ZZEF1: variants seen among roughly 807,000 people sequenced by gnomAD.
ZZEF1 encodes the protein zinc finger ZZ-type and EF-hand domain-containing protein 1.
ZZEF1 carries 157 observed loss-of-function variants against 342.8 expected under a neutral mutation model. The observed-to-expected ratio is 0.46, with a 90% CI of 0.40 to 0.52. ZZEF1 has a LOEUF of 0.52. Ranked by LOEUF, ZZEF1 falls within the 20% of genes least tolerant of loss-of-function variation. The probability of loss-of-function intolerance (pLI) is 0.00; values close to 1 mark genes in which losing one functional copy is unlikely to be tolerated. For missense variants in ZZEF1, 3,480 were observed against 3,725.6 expected (o/e 0.93, Z 1.72); for synonymous variants, 1,505 against 1,429.1 (o/e 1.05, Z -1.20).
chr17:4,104,940 A>G (rs2058186466), intron 7 of ZZEF1, 129 bp from the exon 8 acceptor site: 1 of 766,672 alleles, frequency 1.3e-6, no homozygotes, highest in African/African-American at 1.8e-5. Context: ...TTTATCCGAA[A>G]TATTTTTCAA....
chr17:4,066,721 G>A (rs2057406464), intron 27 of ZZEF1, among the ~76,000 whole-genome samples, 181 bp from the exon 28 acceptor site: 1 of 152,186 alleles, frequency 6.6e-6, no homozygotes, highest in Non-Finnish European at 1.5e-5. Flanking sequence ...CACTGGTGCT[G>A]CAGGGGGCTT....
intron 24 of ZZEF1, 122 bp from the exon 25 acceptor site, chr17:4,072,878 C>A: frequency 1.0e-6 from 1 of 987,776 alleles, no homozygotes; most frequent in Non-Finnish European, 1.5e-6. Context: ...AGAAAGTTTA[C>A]CCACATACCA....
Position 4,014,025 on chromosome 17 carries a change from G to T in ZZEF1, c.8413+65C>A. ...TTTAACCAAGATCAGTGACATCATG[G>T]CACCCACAGCCATGGAGTGTCCCTG... On this transcript the variant is annotated intron_variant, in intron 51 of 54. Transcript: ENST00000381638. This position sits in a 1 kb window ranked among gnomAD's most constrained non-coding sequence, Gnocchi z 4.4. 6.9e-7 allele frequency: 1 copy of T among 1,452,032 alleles called. No individual in the cohort carries two copies. Among genetic ancestry groups the T allele is most frequent in the Non-Finnish European group, 9.6e-7 (1 of 1,038,420 alleles). The allele number at this position is 1,452,032 out of a possible 1,614,324, so 89.9% of individuals were successfully genotyped here.
At chr17:4,093,025 G>A (rs2057973041) in intron 11 of ZZEF1, among the ~76,000 whole-genome samples, 1 of 151,778 alleles carries the variant, frequency 6.6e-6, no homozygotes, top group Admixed American at 6.6e-5. Flanking sequence ...AACTGGAGAG[G>A]GACTGGTGAA....
chr17:4,038,929 G>C (rs1419800395), intron 39 of ZZEF1, among the ~76,000 whole-genome samples: 2 of 152,016 alleles, frequency 1.3e-5, no homozygotes, highest in Non-Finnish European at 2.9e-5. Context: ...TGGTGACAGA[G>C]GTCTTTTTAT....
At chr17:4,013,139 A>T (rs1027021742) in intron 52 of ZZEF1, among the ~76,000 whole-genome samples, 1 of 152,076 alleles carries the variant, frequency 6.6e-6, no homozygotes. Flanking sequence ...CGAATGGAAC[A>T]AAACTGACTT....
chr17:4,099,704 C>T (rs770143227), intron 9 of ZZEF1, among the ~76,000 whole-genome samples: 25 of 152,068 alleles, frequency 1.6e-4, no homozygotes, highest in East Asian at 1.9e-4. Flanking sequence ...TGCCACCATG[C>T]CTGGCTAATT....
At chr17:4,069,745 C>T (rs1055968028) in intron 26 of ZZEF1, among the ~76,000 whole-genome samples, 4 of 152,068 alleles carry the variant, frequency 2.6e-5, no homozygotes, top group Non-Finnish European at 5.9e-5. Flanking sequence ...GAAGGAGAAT[C>T]GCTTGAACCC....
chr17:4,029,874 C>CAAAAAA (rs58293642), intron 42 of ZZEF1, among the ~76,000 whole-genome samples: 2 of 82,244 alleles, frequency 2.4e-5, no homozygotes, highest in Admixed American at 1.1e-4. Context: ...AACTCCATCT[C>CAAAAAA]AAAAAAAAAA....
rs1229248963 is a variant in ZZEF1 at position 4,074,086 on chromosome 17, G to A, written c.3685+64C>T. 12 of 1,574,850 alleles carry A rather than the reference G, an allele frequency of 7.6e-6. No individual in the cohort carries two copies. The South Asian group carries it at 1.3e-4, about 18-fold the overall frequency. ...TTACGTGGAAACGACCTACAAGAGGGCAAGCGCGCATCTTGCACTTCACCG... is the reference window on the plus strand; with the variant it reads ...TTACGTGGAAACGACCTACAAGAGGACAAGCGCGCATCTTGCACTTCACCG... On this transcript the variant is annotated intron_variant, in intron 24 of 54. Transcript: ENST00000381638.
At chr17:4,112,324 T>C (rs183514231) in intron 5 of ZZEF1, among the ~76,000 whole-genome samples, 1 of 151,600 alleles carries the variant, frequency 6.6e-6, no homozygotes, top group African/African-American at 2.4e-5. Context: ...TTTTGTATTT[T>C]TAGTAGAGAC....
intron 18 of ZZEF1, among the ~76,000 whole-genome samples, chr17:4,080,632 C>T (rs1252621242): frequency 2.0e-5 from 3 of 152,142 alleles, no homozygotes; most frequent in Non-Finnish European, 4.4e-5. Flanking sequence ...TCAGGTGATC[C>T]GCCCACCTTG....
chr17:4,130,453 A>G (rs576841274), intron 1 of ZZEF1, among the ~76,000 whole-genome samples: 2 of 152,274 alleles, frequency 1.3e-5, no homozygotes, highest in East Asian at 3.9e-4. Flanking sequence ...ACTCTGTCTC[A>G]AAAGTAAAAA....
chr17:4,018,471 T>A lies in ZZEF1; in HGVS notation c.7506-500A>T, dbSNP rs1384600362. Among the ~76,000 whole-genome samples the A allele has an allele frequency of 1.1e-4, 16 of 152,082 alleles. 1 individual carries two copies. The East Asian group carries it at 3.1e-3, about 29-fold the overall frequency. ...CAGAGTTTAAATGAGCAAAGAGTGA[T>A]CCCCGAATTGGGCAGCTCCTGAATC... On this transcript the variant is annotated intron_variant, in intron 46 of 54. Coordinates refer to ENST00000381638, the MANE Select transcript of ZZEF1 (RefSeq NM_015113.4).
chr17:4,095,208 C>T (rs1306879887), intron 11 of ZZEF1, among the ~76,000 whole-genome samples: 1 of 152,166 alleles, frequency 6.6e-6, no homozygotes, highest in Non-Finnish European at 1.5e-5. Context: ...ATTCTCCTTC[C>T]AGTGGCCGAT....
rs1432408577 is a variant in ZZEF1 at position 4,042,536 on chromosome 17, G to C, written c.6199C>G (p.Pro2067Ala). 2 of 1,613,512 alleles carry C rather than the reference G, an allele frequency of 1.2e-6. No individual in the cohort carries two copies. Among genetic ancestry groups the C allele is most frequent in the East Asian group, 4.5e-5 (2 of 44,866 alleles). Reference protein sequence around the residue: ...AEDSEVSSQKPIEEKAVTPSP... With the variant: ...AEDSEVSSQKAIEEKAVTPSP... ...GGAGTAACTGCTTTTTCCTCTATGG[G>C]CTTCTGAGATGACACTTCTGAATCT... Residue 2067 changes from proline (P) to alanine (A), a missense_variant, in exon 39 of 55, where the codon CCC becomes GCC. Transcript: ENST00000381638.
intron 1 of ZZEF1, among the ~76,000 whole-genome samples, chr17:4,139,825 T>C (rs538903214): frequency 6.6e-6 from 1 of 152,332 alleles, no homozygotes; most frequent in South Asian, 2.1e-4. Flanking sequence ...ATGTTTTCTC[T>C]CCCCTTCCTC....
chr17:4,140,487 G>GTCTTATAATTAATATCTTATAA (rs2058826002), intron 1 of ZZEF1, among the ~76,000 whole-genome samples: 1 of 152,034 alleles, frequency 6.6e-6, no homozygotes, highest in Non-Finnish European at 1.5e-5. Context: ...TAATTAATGG[G>GTCTTATAATTAATATCTTATAA]TTAATACCTG....
At chr17:4,101,218 T>C (rs1203538801) in intron 9 of ZZEF1, among the ~76,000 whole-genome samples, 1 of 152,156 alleles carries the variant, frequency 6.6e-6, no homozygotes, top group Non-Finnish European at 1.5e-5. Flanking sequence ...TCCTAGGGTC[T>C]GGACTCCATG....
Sources: allele counts gnomAD v4.1 joint callset (sites outside exome capture counted in the v4.1 genomes callset), GRCh38; gene constraint gnomAD v4.1.1; non-coding constraint Gnocchi (gnomAD v3.1); transcripts MANE v1.5; gene names NCBI Gene and HGNC (gene_info 2026-07-23, HGNC 2026-07-21).